Variants in TRMT44 observed in about 807,000 individuals in gnomAD.
TRMT44 encodes tRNA methyltransferase 44 homolog.
Under a neutral mutation model 77.3 loss-of-function variants are expected in TRMT44, and 78 were observed. That is an observed-to-expected ratio of 1.01 (90% CI 0.84 to 1.22). The LOEUF (loss-of-function observed/expected upper bound fraction) is 1.22, where lower values mean the gene tolerates loss of function less well. Ranked by LOEUF, TRMT44 falls within the 50% of genes most tolerant of loss-of-function variation. The pLI is 0.00. For missense variants in TRMT44, 1,090 were observed against 964.4 expected (o/e 1.13, Z -1.73); for synonymous variants, 391 against 383.3 (o/e 1.02, Z -0.23).
chr4:8,454,659 G>T (rs1725679071), intron 5 of TRMT44, 83 bp from the exon 6 acceptor site: 1 of 1,344,014 alleles, frequency 7.4e-7, no homozygotes, highest in Non-Finnish European at 1.1e-6. Flanking sequence ...TGCTGGCAGT[G>T]CCTGCAGAAC....
At chr4:8,469,803 C>T (rs1269192121) in intron 9 of TRMT44, among the ~76,000 whole-genome samples, 2 of 152,272 alleles carry the variant, frequency 1.3e-5, no homozygotes, top group Non-Finnish European at 2.9e-5. Context: ...AGGCGGCCTT[C>T]AGGGCCTTTG....
chr4:8,441,464 C>T (rs181020306), intron 1 of TRMT44, 23 bp downstream of exon 1: 4 of 1,478,062 alleles, frequency 2.7e-6, no homozygotes, highest in African/African-American at 2.8e-5. Flanking sequence ...TGATAGTGGA[C>T]GGATATGATT....
chr4:8,507,929 G>A, the TRMT44 span, among the ~76,000 whole-genome samples: 5,685 of 151,948 alleles, frequency 0.037, 342 homozygotes, highest in African/African-American at 0.13. Flanking sequence ...GTTTTGAAAT[G>A]GAGTTTCGCT....
chr4:8,505,743 A>C, the TRMT44 span, among the ~76,000 whole-genome samples: 8 of 152,180 alleles, frequency 5.3e-5, no homozygotes, highest in African/African-American at 1.7e-4. Flanking sequence ...GTCATCTTGA[A>C]TTGTAATCTG....
the TRMT44 span, among the ~76,000 whole-genome samples, chr4:8,502,403 G>A: frequency 1.3e-5 from 2 of 152,224 alleles, no homozygotes; most frequent in African/African-American, 2.4e-5. Context: ...AAACTACAAC[G>A]AACTTAGTGG....
At chr4:8,480,307 G>A (rs889542561), downstream of TRMT44, among the ~76,000 whole-genome samples, 13 of 152,228 alleles carry the variant, frequency 8.5e-5, no homozygotes, top group Non-Finnish European at 1.5e-5. Flanking sequence ...TGGAGGTGGA[G>A]TGCAGCATTT....
chr4:8,479,115 A>G (rs1357899294), downstream of TRMT44: 4 of 152,100 alleles, frequency 2.6e-5, no homozygotes, highest in African/African-American at 9.7e-5. Flanking sequence ...CAGGGCCACA[A>G]CTGTCACAGA....
intron 10 of TRMT44, among the ~76,000 whole-genome samples, chr4:8,473,106 A>G (rs1441042263): frequency 6.6e-6 from 1 of 152,148 alleles, no homozygotes; most frequent in Non-Finnish European, 1.5e-5. Flanking sequence ...TTATCTCTGT[A>G]TGAGGTTTAG....
At chr4:8,474,208 G>C (rs1313073034) in intron 10 of TRMT44, among the ~76,000 whole-genome samples, 1 of 152,232 alleles carries the variant, frequency 6.6e-6, no homozygotes, top group Non-Finnish European at 1.5e-5. Flanking sequence ...TGGGATCATG[G>C]GGAGTTGGGG....
intron 10 of TRMT44, among the ~76,000 whole-genome samples, chr4:8,471,853 G>A (rs757113120): frequency 2.6e-5 from 4 of 152,176 alleles, no homozygotes; most frequent in African/African-American, 4.8e-5. Context: ...GTGAGGGAGG[G>A]GGGAGATGTA....
At chr4:8,494,343 G>A (rs28767175), downstream of TRMT44, among the ~76,000 whole-genome samples, 1,253 of 152,232 alleles carry the variant, frequency 8.2e-3, 22 homozygotes, top group African/African-American at 0.029. Flanking sequence ...ATATTCACAG[G>A]TACAGGACAA....
rs35357682 is a variant in TRMT44 at position 8,468,030 on chromosome 4, G to C, written c.1611G>C (p.Trp537Cys). ...RRGCPVSPPG[W>C]ELSPSPRWVA... ...GCTGCCCTGTAAGCCCACCTGGCTG[G>C]GAGCTTTCCCCTTCTCCACGCTGGG... The change falls in exon 9 of 11, where the codon TGG becomes TGC. Residue 537 changes from tryptophan (W) to cysteine (C), a missense_variant. By Grantham distance (215) the Trp-to-Cys change is radical. Coordinates refer to ENST00000389737, the MANE Select transcript of TRMT44 (RefSeq NM_152544.3). 5.6e-3 allele frequency: 8,986 copies of C among 1,614,008 alleles called. 34 individuals carry two copies. Among genetic ancestry groups the C allele is most frequent in the Non-Finnish European group, 7.1e-3 (8,353 of 1,180,024 alleles).
chr4:8,471,009 CTG>C, intron 9 of TRMT44, 73 bp from the exon 10 acceptor site: 1 of 1,006,406 alleles, frequency 9.9e-7, no homozygotes, highest in Non-Finnish European at 1.5e-6. Context: ...CTGAAATGGA[CTG>C]TTTCTGCCTG....
the TRMT44 span, among the ~76,000 whole-genome samples, chr4:8,514,197 C>T: frequency 6.6e-6 from 1 of 151,588 alleles, no homozygotes; most frequent in Admixed American, 6.6e-5. Context: ...GCACATATCA[C>T]TGCCAACAAG....
rs562533855 is a variant in TRMT44 at position 8,481,703 on chromosome 4, AAC to A, written n.3891+2178_3891+2179del. Among the ~76,000 whole-genome samples the A allele has an allele frequency of 2.2e-3, 329 of 152,336 alleles. 1 individual carries two copies. Among genetic ancestry groups the A allele is most frequent in the Non-Finnish European group, 4.0e-3 (271 of 68,034 alleles). Reference sequence around the variant, plus strand: ...CTTTTTTGTTAAAAATGAAAAGAGAAACACACACATTAGCCTAGGCTAGGCCT... The same window carrying A: ...CTTTTTTGTTAAAAATGAAAAGAGAAACACACATTAGCCTAGGCTAGGCCT... On this transcript the variant is annotated intron_variant and non_coding_transcript_variant, in intron 2 of 2. Transcript: ENST00000511366.
intron 10 of TRMT44, 92 bp from the exon 11 acceptor site, chr4:8,475,680 A>G (rs1391627723): frequency 1.6e-6 from 2 of 1,212,132 alleles, no homozygotes; most frequent in Non-Finnish European, 2.4e-6. Context: ...CTGGATTGGC[A>G]CCTCCCGTGG....
chr4:8,475,804 C>T lies in TRMT44; in HGVS notation c.2077C>T (p.Arg693Ter), dbSNP rs747508783. 3.5e-5 allele frequency: 57 copies of T among 1,614,014 alleles called. No homozygotes were observed. Among genetic ancestry groups the T allele is most frequent in the Admixed American group, 1.2e-4 (7 of 60,006 alleles). ...TGGGAGAGTTCACATCCGCGACTGG[C>T]GAGAGGAGACACTGTGGAAGACAAA... ...VNGRVHIRDWREETLWKTKQP... is the reference protein window; with the variant it reads ...VNGRVHIRDW The change falls in exon 11 of 11, where the codon CGA becomes TGA. Residue 693 changes from arginine to a stop codon, truncating the protein, a stop_gained. Coordinates refer to ENST00000389737, the MANE Select transcript of TRMT44 (RefSeq NM_152544.3). LOFTEE classifies it low-confidence loss of function (END_TRUNC).
the TRMT44 span, among the ~76,000 whole-genome samples, chr4:8,516,019 C>T: frequency 6.6e-6 from 1 of 152,176 alleles, no homozygotes; most frequent in Non-Finnish European, 1.5e-5. Flanking sequence ...TGGTCTCTCC[C>T]CCACGACAAG....
downstream of TRMT44, chr4:8,478,888 T>G (rs566961772): frequency 1.3e-5 from 2 of 152,250 alleles, no homozygotes; most frequent in Non-Finnish European, 1.5e-5. Flanking sequence ...TGGTGAGCAT[T>G]GTGGTCTTGG....
Sources: allele counts gnomAD v4.1 joint callset (sites outside exome capture counted in the v4.1 genomes callset), GRCh38; gene constraint gnomAD v4.1.1; transcripts MANE v1.5; gene names NCBI Gene and HGNC (gene_info 2026-07-23, HGNC 2026-07-21).